Variants in SCAPER observed in about 807,000 individuals in gnomAD.
SCAPER encodes the protein S-phase cyclin A associated protein in the ER, also known as S phase cyclin A-associated protein in the endoplasmic reticulum.
A neutral mutation model predicts 182.2 loss-of-function variants in SCAPER; 98 were observed. The ratio of observed to expected loss-of-function variants is 0.54; its 90% CI spans 0.46 to 0.64. The LOEUF (loss-of-function observed/expected upper bound fraction) is 0.64. Among genes scored for constraint, SCAPER ranks in the 30% least tolerant of loss-of-function variants. SCAPER has a pLI of 0.00. For synonymous variants in SCAPER, 605 were observed against 564.6 expected, an observed-to-expected ratio of 1.07 and a Z score of -1.01; for missense variants, 1,432 against 1,690.0, an observed-to-expected ratio of 0.85 and a Z score of 2.68.
chr15:76,783,370 C>CTGAAAT (rs2064313670), intron 8 of SCAPER, among the ~76,000 whole-genome samples: 1 of 152,136 alleles, frequency 6.6e-6, no homozygotes, highest in Admixed American at 6.6e-5. Flanking sequence ...ACAGCAGGTT[C>CTGAAAT]TGAAATTGAG....
At chr15:76,706,310 T>A (rs1032914179) in intron 17 of SCAPER, among the ~76,000 whole-genome samples, 1 of 152,132 alleles carries the variant, frequency 6.6e-6, no homozygotes, top group Non-Finnish European at 1.5e-5. Flanking sequence ...TTAAAAGGAA[T>A]AGAAAAGGCA....
intron 17 of SCAPER, among the ~76,000 whole-genome samples, chr15:76,717,885 T>C (rs531875537): frequency 1.3e-5 from 2 of 152,096 alleles, no homozygotes; most frequent in East Asian, 3.9e-4. Context: ...ATAGATAAAC[T>C]AGAGAGAAAA....
At chr15:76,776,102 G>C (rs1174573440) in intron 8 of SCAPER, among the ~76,000 whole-genome samples, 1 of 152,092 alleles carries the variant, frequency 6.6e-6, no homozygotes, top group Non-Finnish European at 1.5e-5. Flanking sequence ...TGGGATTTAG[G>C]GGACTTGAAA....
intron 27 of SCAPER, among the ~76,000 whole-genome samples, chr15:76,401,290 G>A (rs1174422425): frequency 1.3e-5 from 2 of 152,140 alleles, no homozygotes; most frequent in African/African-American, 4.8e-5. Flanking sequence ...AAACCTGGGA[G>A]TCATTCTAGA....
chr15:76,696,556 C>T (rs1421176690), intron 20 of SCAPER, among the ~76,000 whole-genome samples: 1 of 151,926 alleles, frequency 6.6e-6, no homozygotes. Flanking sequence ...TAATGAATCT[C>T]ACAAACATAG....
chr15:76,874,001 T>G (rs1273115807), intron 2 of SCAPER, among the ~76,000 whole-genome samples: 4 of 152,036 alleles, frequency 2.6e-5, no homozygotes, highest in Non-Finnish European at 5.9e-5. Flanking sequence ...CCAGCGATTC[T>G]CCTGCTTCAG....
intron 15 of SCAPER, among the ~76,000 whole-genome samples, chr15:76,737,505 C>A (rs899178995): frequency 2.0e-5 from 3 of 152,214 alleles, no homozygotes; most frequent in Non-Finnish European, 4.4e-5. Context: ...ATAGATTTAG[C>A]CTAATTCTTA....
intron 17 of SCAPER, among the ~76,000 whole-genome samples, chr15:76,716,117 C>G (rs2059875630): frequency 6.6e-6 from 1 of 152,158 alleles, no homozygotes; most frequent in Admixed American, 6.6e-5. Flanking sequence ...CCCCTACAAC[C>G]TTTGCCCTAA....
At chr15:76,352,473 G>A (rs1472573193) in intron 30 of SCAPER, among the ~76,000 whole-genome samples, 1 of 130,520 alleles carries the variant, frequency 7.7e-6, no homozygotes, top group African/African-American at 2.8e-5. Context: ...TATCCATAAT[G>A]TATTTGTATT....
At chr15:76,738,879 G>GA (rs1272998601) in intron 15 of SCAPER, among the ~76,000 whole-genome samples, 2 of 152,042 alleles carry the variant, frequency 1.3e-5, no homozygotes, top group Non-Finnish European at 2.9e-5. Flanking sequence ...CGTGTTGTTG[G>GA]AAAAAATGGC....
intron 15 of SCAPER, among the ~76,000 whole-genome samples, chr15:76,733,909 A>T (rs970886909): frequency 2.6e-5 from 4 of 152,236 alleles, no homozygotes; most frequent in Non-Finnish European, 4.4e-5. Context: ...GTGTATAAAA[A>T]ATCCACAGGC....
At chr15:76,607,960 G>A (rs1207636372) in intron 22 of SCAPER, among the ~76,000 whole-genome samples, 2 of 151,974 alleles carry the variant, frequency 1.3e-5, no homozygotes, top group Non-Finnish European at 2.9e-5. Context: ...CCATTGGTTC[G>A]AATTTCCTCC....
rs901406288 is a variant in SCAPER, at chr15:76,760,037, A to G, written c.1725+4924T>C. ...AATTGTTTTTCCTACTCTCACATAC[A>G]ACACAATAACAATTCTGTTCACCAA... On this transcript the variant is annotated intron_variant, in intron 14 of 31. Coordinates refer to ENST00000563290, the MANE Select transcript of SCAPER (RefSeq NM_020843.4). 2.6e-5 allele frequency among the ~76,000 whole-genome samples: 4 copies of G among 152,228 alleles called. No individual in the cohort carries two copies. The East Asian group carries it at 7.7e-4, about 29-fold the overall frequency.
intron 5 of SCAPER, among the ~76,000 whole-genome samples, chr15:76,838,909 A>G (rs1325246915): frequency 6.6e-6 from 1 of 152,180 alleles, no homozygotes; most frequent in Non-Finnish European, 1.5e-5. Flanking sequence ...TTTTGTGAGA[A>G]CAAATGAGGA....
intron 26 of SCAPER, among the ~76,000 whole-genome samples, chr15:76,427,324 C>T (rs548617395): frequency 9.9e-5 from 15 of 152,182 alleles, no homozygotes; most frequent in African/African-American, 1.9e-4. Flanking sequence ...CATCTGATAA[C>T]GGGTTAATAT....
intron 1 of SCAPER, among the ~76,000 whole-genome samples, chr15:76,886,564 T>C (rs1232354126): frequency 1.3e-5 from 2 of 151,932 alleles, no homozygotes; most frequent in East Asian, 3.9e-4. Flanking sequence ...TTGGTGGGAG[T>C]GTAAATGAAG....
At chr15:76,877,083 A>T (rs983108734) in intron 2 of SCAPER, among the ~76,000 whole-genome samples, 15 of 152,004 alleles carry the variant, frequency 9.9e-5, no homozygotes, top group African/African-American at 2.7e-4. Context: ...CAAAAAATTT[A>T]AAAAATTGGC....
rs59741618 is a variant in SCAPER, at chr15:76,366,086, TACACACACACAC to T, written c.3855+10064_3855+10075del. 6.8e-3 allele frequency among the ~76,000 whole-genome samples: 1,012 copies of T among 149,530 alleles called. 3 individuals carry two copies. The highest frequency in any genetic ancestry group is 0.014 in the Middle Eastern group (4 of 294). ...AAAGAGAACTGATTACTTACACACTTACACACACACACACACACACACACACACACACACACT... is the reference window on the plus strand; with the variant it reads ...AAAGAGAACTGATTACTTACACACTTACACACACACACACACACACACACT... On this transcript the variant is annotated intron_variant, in intron 29 of 31. Coordinates refer to ENST00000563290, the MANE Select transcript of SCAPER (RefSeq NM_020843.4).
intron 24 of SCAPER, among the ~76,000 whole-genome samples, chr15:76,480,574 C>T (rs1017213488): frequency 2.6e-5 from 4 of 152,220 alleles, no homozygotes; most frequent in Admixed American, 6.5e-5. Context: ...AGATCCTTGT[C>T]TCATTCATTC....
Sources: allele counts gnomAD v4.1 joint callset (sites outside exome capture counted in the v4.1 genomes callset), GRCh38; gene constraint gnomAD v4.1.1; transcripts MANE v1.5; gene names NCBI Gene and HGNC (gene_info 2026-07-23, HGNC 2026-07-21).